Variants in RIMBP2 observed in about 807,000 individuals in gnomAD.
The protein encoded by RIMBP2 is RIMS binding protein 2, also known as RIMS-binding protein 2.
A neutral mutation model predicts 118.6 loss-of-function variants in RIMBP2; 48 were observed. That is an observed-to-expected ratio of 0.40 (90% CI 0.32 to 0.51). RIMBP2 has a LOEUF of 0.51. RIMBP2 is among the 20% of genes least tolerant of loss of function. The pLI is 0.41. For synonymous variants in RIMBP2, 762 were observed against 742.9 expected, an observed-to-expected ratio of 1.03 and a Z score of -0.42; for missense variants, 1,551 against 1,768.3, an observed-to-expected ratio of 0.88 and a Z score of 2.20.
intron 2 of RIMBP2, among the ~76,000 whole-genome samples, chr12:130,557,454 C>T (rs994375453): frequency 3.9e-5 from 6 of 152,214 alleles, no homozygotes; most frequent in Admixed American, 6.5e-5. Flanking sequence ...ACCTTGGAGG[C>T]GGGTCCCACC....
chr12:130,713,727 G>C lies in RIMBP2; in HGVS notation c.-352+2495C>G, dbSNP rs542566001. 5.4e-4 allele frequency among the ~76,000 whole-genome samples: 82 copies of C among 152,286 alleles called. 1 individual carries two copies. In the South Asian group the frequency reaches 0.017, roughly 31 times the overall value. ...CCACCTGGAACAGATGCTCATTGCC[G>C]TGCCCTAGGGAGACTCCCGGACACA... On this transcript the variant is annotated intron_variant, in intron 1 of 22. Transcript: ENST00000690449.
rs141838716 is a variant in RIMBP2 at position 130,703,748 on chromosome 12, G to A, written c.-352+12474C>T. Among the ~76,000 whole-genome samples, 997 of 152,298 alleles carry A rather than the reference G, an allele frequency of 6.5e-3. 10 individuals carry two copies. The highest frequency in any genetic ancestry group is 0.023 in the African/African-American group (938 of 41,552). Reference sequence around the variant, plus strand: ...GTCATGTGTAGTATATTGGGAGTGCGTTTGAAACGGTGTTTCCTAGGGGAG... The same window carrying A: ...GTCATGTGTAGTATATTGGGAGTGCATTTGAAACGGTGTTTCCTAGGGGAG... On this transcript the variant is annotated intron_variant, in intron 1 of 22. Transcript: ENST00000690449. The surrounding 1 kb of genome is among the most constrained non-coding windows in gnomAD (Gnocchi z 5.7).
At chr12:130,600,423 C>T (rs961366512) in intron 2 of RIMBP2, among the ~76,000 whole-genome samples, 1 of 152,154 alleles carries the variant, frequency 6.6e-6, no homozygotes, top group Non-Finnish European at 1.5e-5. Flanking sequence ...CAGAACCTCC[C>T]CGCTGGCCAG....
At chr12:130,666,915 A>G (rs1238234418) in intron 1 of RIMBP2, among the ~76,000 whole-genome samples, 3 of 120,326 alleles carry the variant, frequency 2.5e-5, no homozygotes, top group Non-Finnish European at 5.1e-5. Context: ...GGAGGGAGAA[A>G]GAGAGGGAGG....
chr12:130,441,915 C>A lies in RIMBP2; in HGVS notation c.1437G>T (p.Pro479=). 2 of 1,613,952 alleles carry A rather than the reference C, an allele frequency of 1.2e-6. No individual in the cohort carries two copies. The highest frequency in any genetic ancestry group is 1.7e-6 in the Non-Finnish European group (2 of 1,180,042). Residue 479 remains proline (P), a synonymous_variant, in exon 11 of 23, where the codon CCG becomes CCT. Transcript: ENST00000690449. The part of the protein sequence containing the change: ...VKVLAKPHQM[P]WQLPLEQREK... Reference sequence around the variant, plus strand: ...CCCTTTGCTCCAGCGGGAGCTGCCACGGCATCTGGTGGGGTTTGGCCAGAA... The same window carrying A: ...CCCTTTGCTCCAGCGGGAGCTGCCAAGGCATCTGGTGGGGTTTGGCCAGAA...
Position 130,399,060 on chromosome 12 carries a change from C to T in RIMBP2, c.3900+619G>A, listed in dbSNP as rs540270698. On this transcript the variant is annotated intron_variant, in intron 22 of 22. Coordinates refer to ENST00000690449, the MANE Select transcript of RIMBP2 (RefSeq NM_001393629.1). ...AAGCCTTAAGTCTACCACACTGGCC[C>T]GGTTAAGGTAGCTTAAGTTGGTATC... The T allele has an allele frequency of 5.5e-5, 53 of 958,316 alleles. 1 individual carries two copies. The highest frequency in any genetic ancestry group is 8.8e-5 in the East Asian group (3 of 33,968). The allele number at this position is 958,316 out of a possible 1,614,324, so 59.4% of individuals were successfully genotyped here. A position where few individuals can be genotyped will look rare whatever the true frequency, so the allele number is the denominator to read the frequency against.
At chr12:130,664,779 C>G (rs1450869479) in intron 1 of RIMBP2, among the ~76,000 whole-genome samples, 1 of 151,764 alleles carries the variant, frequency 6.6e-6, no homozygotes, top group East Asian at 1.9e-4. Context: ...TCAATTTCAG[C>G]TTTAAAATAA....
At chr12:130,647,927 A>G (rs570633543) in intron 1 of RIMBP2, among the ~76,000 whole-genome samples, 1 of 131,928 alleles carries the variant, frequency 7.6e-6, no homozygotes, top group East Asian at 2.0e-4. Flanking sequence ...CTCATGCTGC[A>G]AACCTCGGTG....
intron 1 of RIMBP2, among the ~76,000 whole-genome samples, chr12:130,635,867 C>T (rs1440933042): frequency 1.3e-5 from 2 of 152,070 alleles, no homozygotes; most frequent in African/African-American, 4.8e-5. Flanking sequence ...ACTTCACTCC[C>T]CTGCATTCTC....
intron 2 of RIMBP2, among the ~76,000 whole-genome samples, chr12:130,608,028 T>G (rs1460100369): frequency 6.6e-6 from 1 of 152,190 alleles, no homozygotes; most frequent in African/African-American, 2.4e-5. Flanking sequence ...GAAGTAAATA[T>G]GCTCAAAACA....
At chr12:130,413,395 C>T (rs1224357942) in intron 18 of RIMBP2, among the ~76,000 whole-genome samples, 1 of 152,026 alleles carries the variant, frequency 6.6e-6, no homozygotes, top group Non-Finnish European at 1.5e-5. Context: ...TTTGGGAGGC[C>T]AAGGCGGGCA....
At chr12:130,680,780 G>A (rs1565109) in intron 1 of RIMBP2, among the ~76,000 whole-genome samples, 6,315 of 152,296 alleles carry the variant, frequency 0.041, 302 homozygotes, top group African/African-American at 0.12. Flanking sequence ...AGGGCAGCCC[G>A]GCCCCGTGGC....
chr12:130,623,201 T>G lies in RIMBP2; in HGVS notation c.-217+5121A>C, dbSNP rs547694217. 1.6e-4 allele frequency among the ~76,000 whole-genome samples: 25 copies of G among 152,360 alleles called. No homozygotes were observed. The highest frequency in any genetic ancestry group is 5.5e-4 in the African/African-American group (23 of 41,582). On this transcript the variant is annotated intron_variant, in intron 2 of 22. Transcript: ENST00000690449. This position sits in a 1 kb window ranked among gnomAD's most constrained non-coding sequence, Gnocchi z 4.1. Reference sequence around the variant, plus strand: ...ATATTATGATGAACACACACATGTATTCCCCTTTAGCTTTTTCTATATATT... The same window carrying G: ...ATATTATGATGAACACACACATGTAGTCCCCTTTAGCTTTTTCTATATATT...
Position 130,470,710 on chromosome 12 carries a change from C to A in RIMBP2, c.136G>T (p.Ala46Ser). 8.1e-7 allele frequency: 1 copy of A among 1,232,030 alleles called. No homozygotes were observed. Among genetic ancestry groups the A allele is most frequent in the Non-Finnish European group, 1.0e-6 (1 of 987,928 alleles). The allele number at this position is 1,232,030 out of a possible 1,614,324, so 76.3% of individuals were successfully genotyped here. A position where few individuals can be genotyped will look rare whatever the true frequency, so the allele number is the denominator to read the frequency against. ...QVEAKKEHEG[A>S]VRLLESKVRE... ...CTCCTTACCTCTAGCAGCCGCACTG[C>A]GCCTTCATGCTCCTTCTTAGCCTCA... The change falls in exon 6 of 23, where the codon GCA becomes TCA. Residue 46 changes from alanine (A) to serine (S), a missense_variant. This residue lies in a region of RIMBP2 where 239 missense variants were observed against 256.8 expected (regional missense o/e 0.93). Coordinates refer to ENST00000690449, the MANE Select transcript of RIMBP2 (RefSeq NM_001393629.1).
At chr12:130,480,220 C>G (rs1282439259) in intron 4 of RIMBP2, among the ~76,000 whole-genome samples, 1 of 151,962 alleles carries the variant, frequency 6.6e-6, no homozygotes, top group Non-Finnish European at 1.5e-5. Flanking sequence ...CACACACACA[C>G]ACACACACAC....
chr12:130,651,594 G>A (rs1386278020), intron 1 of RIMBP2: 1 of 152,236 alleles, frequency 6.6e-6, no homozygotes, highest in Non-Finnish European at 1.5e-5. Flanking sequence ...ACGCAGCGAT[G>A]AACCCAGAAG....
intron 2 of RIMBP2, among the ~76,000 whole-genome samples, chr12:130,577,923 T>G (rs10848152): frequency 0.053 from 8,050 of 152,292 alleles, 459 homozygotes; most frequent in East Asian, 0.25. Context: ...GGTAACTATA[T>G]GCCGATTAGC....
At chr12:130,699,904 T>TAAAAAA (rs33963621) in intron 1 of RIMBP2, among the ~76,000 whole-genome samples, 1 of 85,676 alleles carries the variant, frequency 1.2e-5, no homozygotes, top group Non-Finnish European at 2.4e-5. Flanking sequence ...GACTCTGTCT[T>TAAAAAA]AAAAAAAAAA....
intron 2 of RIMBP2, among the ~76,000 whole-genome samples, chr12:130,585,914 A>G (rs2058853813): frequency 6.6e-6 from 1 of 152,334 alleles, no homozygotes; most frequent in East Asian, 1.9e-4. Flanking sequence ...TACTAAAAAC[A>G]AAGCGTCCCT....
Sources: allele counts gnomAD v4.1 joint callset (sites outside exome capture counted in the v4.1 genomes callset), GRCh38; gene constraint gnomAD v4.1.1; regional missense constraint gnomAD v4.1.1; non-coding constraint Gnocchi (gnomAD v3.1); transcripts MANE v1.5; gene names NCBI Gene and HGNC (gene_info 2026-07-23, HGNC 2026-07-21).